ARFIP1: variants seen among roughly 807,000 people sequenced by gnomAD.
The protein encoded by ARFIP1 is arfaptin-1.
A neutral mutation model predicts 42.5 loss-of-function variants in ARFIP1; 24 were observed. That is an observed-to-expected ratio of 0.57 (90% confidence interval 0.41 to 0.80). The LOEUF (loss-of-function observed/expected upper bound fraction) is 0.80, where lower values mean the gene tolerates loss of function less well. Among genes scored for constraint, ARFIP1 ranks in the 30% least tolerant of loss-of-function variants. The pLI is 0.00. For synonymous variants in ARFIP1, 141 were observed against 153.7 expected, an observed-to-expected ratio of 0.92 and a Z score of 0.61; for missense variants, 354 against 434.0, an observed-to-expected ratio of 0.82 and a Z score of 1.64.
intron 1 of ARFIP1, among the ~76,000 whole-genome samples, chr4:152,795,752 TG>T (rs1185974045): frequency 2.0e-5 from 3 of 151,024 alleles, no homozygotes; most frequent in African/African-American, 7.3e-5. Flanking sequence ...GGTATTTCAG[TG>T]TTGTTTTAAT....
chr4:152,910,367 C>CTT lies in ARFIP1; in HGVS notation c.*150_*151dup, dbSNP rs1445319202. The CTT allele has an allele frequency of 5.5e-6, 5 of 916,656 alleles. No individual in the cohort carries two copies. Among genetic ancestry groups the CTT allele is most frequent in the Non-Finnish European group, 7.9e-6 (5 of 629,384 alleles). The allele number at this position is 916,656 out of a possible 1,614,324, so 56.8% of individuals were successfully genotyped here. On this transcript the variant is annotated 3_prime_UTR_variant, in exon 9 of 9. Coordinates refer to ENST00000353617, the MANE Select transcript of ARFIP1 (RefSeq NM_001025595.3). ...AGCTTTAATTTTTCCCTTTTTCATACTTTAACAATTGAACTGTTAAGGGTG... is the reference window on the plus strand; with the variant it reads ...AGCTTTAATTTTTCCCTTTTTCATACTTTTTAACAATTGAACTGTTAAGGGTG...
intron 1 of ARFIP1, among the ~76,000 whole-genome samples, chr4:152,826,506 C>T (rs1730849975): frequency 6.6e-6 from 1 of 152,122 alleles, no homozygotes; most frequent in South Asian, 2.1e-4. Context: ...GGATAAAAAA[C>T]TACCTATAGG....
At chr4:152,904,223 G>T (rs1025005424) in intron 8 of ARFIP1, among the ~76,000 whole-genome samples, 2 of 139,406 alleles carry the variant, frequency 1.4e-5, no homozygotes, top group Non-Finnish European at 3.0e-5. Context: ...ACGGAGTCTC[G>T]CTCTGTCACC....
intron 2 of ARFIP1, among the ~76,000 whole-genome samples, chr4:152,856,072 A>G (rs1733405918): frequency 6.6e-6 from 1 of 152,136 alleles, no homozygotes; most frequent in Non-Finnish European, 1.5e-5. Context: ...CCCTCTCTTA[A>G]GTTTTCTTTT....
At chr4:152,851,907 CG>C (rs1733015906) in intron 2 of ARFIP1, among the ~76,000 whole-genome samples, 1 of 152,044 alleles carries the variant, frequency 6.6e-6, no homozygotes, top group Non-Finnish European at 1.5e-5. Context: ...AAAATGGAGA[CG>C]TTATTTTTCA....
chr4:152,883,186 C>G, intron 7 of ARFIP1: 1 of 255,442 alleles, frequency 3.9e-6, no homozygotes, highest in Non-Finnish European at 7.4e-6. Context: ...TGAATACTTG[C>G]TTCATTGCCT....
intron 8 of ARFIP1, among the ~76,000 whole-genome samples, chr4:152,889,574 TATAA>T (rs1302173454): frequency 2.6e-4 from 33 of 126,556 alleles, no homozygotes; most frequent in African/African-American, 8.7e-4. Context: ...TATGTGTATA[TATAA>T]ATATATATAC....
intron 1 of ARFIP1, among the ~76,000 whole-genome samples, chr4:152,819,935 A>G (rs1446777675): frequency 6.6e-6 from 1 of 152,066 alleles, no homozygotes; most frequent in African/African-American, 2.4e-5. Flanking sequence ...CTACATCCAC[A>G]TAGGAGGAGT....
intron 2 of ARFIP1, among the ~76,000 whole-genome samples, chr4:152,858,035 C>T (rs1733580181): frequency 6.6e-6 from 1 of 152,132 alleles, no homozygotes; most frequent in African/African-American, 2.4e-5. Context: ...GTCACACCTG[C>T]AATTCCGCCA....
In ARFIP1 at chr4:152,882,729, T is replaced by C. The variant is rs1735942628; in HGVS notation, c.640T>C (p.Phe214Leu). ...GGTGACTTCTTTGTTTTAGGAAGAA[T>C]TTGGCTATAATGCCGATACCCAGAA... The part of the protein sequence containing the change: ...SLKSLELHEE[F>L]GYNADTQKLL... Residue 214 changes from phenylalanine (F) to leucine (L), a missense_variant, in exon 7 of 9, where the codon TTT (phenylalanine) becomes CTT (leucine). Physicochemically the swap from Phe to Leu is conservative, Grantham distance 22 (BLOSUM62 0). Coordinates refer to ENST00000353617, the MANE Select transcript of ARFIP1 (RefSeq NM_001025595.3). 6.2e-7 allele frequency: 1 copy of C among 1,612,598 alleles called. No individual in the cohort carries two copies. Among genetic ancestry groups the C allele is most frequent in the Non-Finnish European group, 8.5e-7 (1 of 1,179,372 alleles).
chr4:152,839,704 A>G (rs933324239), intron 2 of ARFIP1, among the ~76,000 whole-genome samples: 2 of 152,064 alleles, frequency 1.3e-5, no homozygotes, highest in African/African-American at 2.4e-5. Flanking sequence ...TGGTCTATCA[A>G]TTTTATTTAT....
chr4:152,812,231 G>A (rs896677053), intron 1 of ARFIP1, among the ~76,000 whole-genome samples: 1 of 152,112 alleles, frequency 6.6e-6, no homozygotes, highest in Non-Finnish European at 1.5e-5. Flanking sequence ...TTCTTGCTGC[G>A]TCAGCCAGGC....
chr4:152,797,881 T>G (rs1307936616), intron 1 of ARFIP1, among the ~76,000 whole-genome samples: 1 of 151,746 alleles, frequency 6.6e-6, no homozygotes, highest in Non-Finnish European at 1.5e-5. Context: ...AGAGATAGTT[T>G]TACTTTCTCC....
chr4:152,834,898 CCAAGA>C (rs1731529738), intron 2 of ARFIP1, among the ~76,000 whole-genome samples: 1 of 152,198 alleles, frequency 6.6e-6, no homozygotes, highest in Non-Finnish European at 1.5e-5. Flanking sequence ...ATGGAAGCTG[CCAAGA>C]CATATGGCAG....
chr4:152,780,141 C>T lies in ARFIP1; in HGVS notation c.-95C>T, dbSNP rs1054413345. 2 of 152,382 alleles carry T rather than the reference C, an allele frequency of 1.3e-5. No homozygotes were observed. The highest frequency in any genetic ancestry group is 4.8e-5 in the African/African-American group (2 of 41,456). The allele number at this position is 152,382 out of a possible 1,614,324, so 9.4% of individuals were successfully genotyped here. On this transcript the variant is annotated 5_prime_UTR_variant, in exon 1 of 9. Coordinates refer to ENST00000353617, the MANE Select transcript of ARFIP1 (RefSeq NM_001025595.3). ...AAAAGGTCCGGGTCGCGTTTCCGCTCAGTTTTTGCCAGGGTTGAGGCGATT... is the reference window on the plus strand; with the variant it reads ...AAAAGGTCCGGGTCGCGTTTCCGCTTAGTTTTTGCCAGGGTTGAGGCGATT...
At chr4:152,892,926 A>G (rs1382085980) in intron 8 of ARFIP1, among the ~76,000 whole-genome samples, 1 of 152,128 alleles carries the variant, frequency 6.6e-6, no homozygotes, top group Non-Finnish European at 1.5e-5. Flanking sequence ...TTTCATCAGT[A>G]TTTCTTCTTT....
At chr4:152,853,028 A>T (rs1733121499) in intron 2 of ARFIP1, among the ~76,000 whole-genome samples, 1 of 152,228 alleles carries the variant, frequency 6.6e-6, no homozygotes, top group African/African-American at 2.4e-5. Context: ...CCCAGCAGAC[A>T]GTAGGGAGGG....
intron 2 of ARFIP1, among the ~76,000 whole-genome samples, chr4:152,835,115 A>C (rs1251454295): frequency 6.6e-6 from 1 of 152,204 alleles, no homozygotes; most frequent in African/African-American, 2.4e-5. Flanking sequence ...GGATGTTAGC[A>C]CATGGCTCCC....
chr4:152,801,140 A>G (rs1014376609), intron 1 of ARFIP1, among the ~76,000 whole-genome samples: 10 of 152,116 alleles, frequency 6.6e-5, no homozygotes, highest in African/African-American at 1.7e-4. Flanking sequence ...TGTTAAAGAT[A>G]TACGTAAGTT....
Sources: allele counts gnomAD v4.1 joint callset (sites outside exome capture counted in the v4.1 genomes callset), GRCh38; gene constraint gnomAD v4.1.1; transcripts MANE v1.5; gene names NCBI Gene and HGNC (gene_info 2026-07-23, HGNC 2026-07-21).